Variants in AKAP6 observed in about 807,000 individuals in gnomAD.
AKAP6 encodes the protein A-kinase anchor protein 6.
AKAP6 carries 58 observed loss-of-function variants against 188.5 expected under a neutral mutation model. The observed-to-expected ratio is 0.31, with a 90% CI of 0.25 to 0.38. The LOEUF is 0.38. Among genes scored for constraint, AKAP6 ranks in the 10% least tolerant of loss-of-function variants. The pLI is 1.00. For missense variants in AKAP6, 2,710 were observed against 2,740.0 expected, an observed-to-expected ratio of 0.99 and a Z score of 0.24; for synonymous variants, 989 against 998.6, an observed-to-expected ratio of 0.99 and a Z score of 0.18.
chr14:32,470,502 C>T (rs1386309400), intron 2 of AKAP6, among the ~76,000 whole-genome samples: 1 of 152,226 alleles, frequency 6.6e-6, no homozygotes, highest in African/African-American at 2.4e-5. Flanking sequence ...GGGCTCACAT[C>T]AGCAACTGAA....
chr14:32,514,863 A>G (rs1881437949), intron 2 of AKAP6, among the ~76,000 whole-genome samples: 1 of 152,162 alleles, frequency 6.6e-6, no homozygotes, highest in African/African-American at 2.4e-5. Context: ...AAAACACAAC[A>G]AAAAGGGCCT....
At chr14:32,447,891 C>T (rs1447264427) in intron 2 of AKAP6, among the ~76,000 whole-genome samples, 2 of 152,174 alleles carry the variant, frequency 1.3e-5, no homozygotes, top group Non-Finnish European at 2.9e-5. Flanking sequence ...AACAAGTACA[C>T]CGACATATTT....
At chr14:32,639,418 G>A (rs1009729674) in intron 7 of AKAP6, among the ~76,000 whole-genome samples, 4 of 152,110 alleles carry the variant, frequency 2.6e-5, no homozygotes, top group African/African-American at 9.7e-5. Context: ...TGGGGTGACA[G>A]TAAGTGAAAT....
At position 32,834,252 on chromosome 14, in the gene AKAP6, G is replaced by A. The variant is rs1398357264; in HGVS notation, c.*4447G>A. The A allele has an allele frequency of 6.6e-6, 1 of 152,256 alleles. No homozygotes were observed. The highest frequency in any genetic ancestry group is 1.5e-5 in the Non-Finnish European group (1 of 68,126). The allele number at this position is 152,256 out of a possible 1,614,324, so 9.4% of individuals were successfully genotyped here. A position where few individuals can be genotyped will look rare whatever the true frequency, so the allele number is the denominator to read the frequency against. On this transcript the variant is annotated 3_prime_UTR_variant, in exon 14 of 14. Transcript: ENST00000280979. ...TACTAAAAATACAAAAATTAGCCAGGCGTGGTAGCTGTAATCCCAGCTACT... is the reference window on the plus strand; with the variant it reads ...TACTAAAAATACAAAAATTAGCCAGACGTGGTAGCTGTAATCCCAGCTACT...
intron 1 of AKAP6, among the ~76,000 whole-genome samples, chr14:32,413,840 CT>C (rs763599652): frequency 3.3e-4 from 50 of 151,822 alleles, no homozygotes; most frequent in Admixed American, 9.2e-4. Context: ...CAGAGACAGA[CT>C]TAAATTGTCA....
At chr14:32,813,748 AT>A (rs2034308190) in intron 12 of AKAP6, among the ~76,000 whole-genome samples, 2 of 152,024 alleles carry the variant, frequency 1.3e-5, no homozygotes, top group South Asian at 4.2e-4. Flanking sequence ...AAATCCTTAT[AT>A]TTTTTTGTAT....
intron 7 of AKAP6, among the ~76,000 whole-genome samples, chr14:32,604,370 A>C (rs946577721): frequency 6.6e-6 from 1 of 152,136 alleles, no homozygotes; most frequent in South Asian, 2.1e-4. Flanking sequence ...TCTCTCCACA[A>C]TCTTGGCTGA....
chr14:32,410,424 C>G (rs913528951), intron 1 of AKAP6, among the ~76,000 whole-genome samples: 4 of 152,112 alleles, frequency 2.6e-5, no homozygotes. Context: ...AGTTGTCCTG[C>G]CTTTCCAAAC....
At chr14:32,336,646 A>G (rs773288515) in intron 1 of AKAP6, among the ~76,000 whole-genome samples, 6 of 152,164 alleles carry the variant, frequency 3.9e-5, no homozygotes, top group Non-Finnish European at 7.3e-5. Context: ...CTCCAAGCAT[A>G]TCTGTGGAGG....
At chr14:32,747,391 G>A (rs142682923) in intron 11 of AKAP6, among the ~76,000 whole-genome samples, 46 of 152,264 alleles carry the variant, frequency 3.0e-4, no homozygotes, top group African/African-American at 1.0e-3. Context: ...CAGTAACTCA[G>A]TCTAACCATA....
At chr14:32,658,268 T>A (rs188983743) in intron 7 of AKAP6, among the ~76,000 whole-genome samples, 21 of 152,132 alleles carry the variant, frequency 1.4e-4, no homozygotes, top group Non-Finnish European at 2.8e-4. Flanking sequence ...ATTGAGAGAT[T>A]ACAATGTAAC....
rs565133482 is a variant in AKAP6 at position 32,791,469 on chromosome 14, G to GT, written c.3588+17583dup. On this transcript the variant is annotated intron_variant, in intron 12 of 13. Coordinates refer to ENST00000280979, the MANE Select transcript of AKAP6 (RefSeq NM_004274.5). The stretch of plus-strand genomic sequence containing the variant: ...TGTCCACTTTTTGATGGGGTGGGTC[G>GT]TTTTTTTCTTCTAAACTTGTTTAAG... 4.6e-3 allele frequency among the ~76,000 whole-genome samples: 699 copies of GT among 151,952 alleles called. 10 individuals are homozygous for GT. Among genetic ancestry groups the GT allele is most frequent in the Non-Finnish European group, 7.3e-3 (495 of 67,954 alleles).
intron 11 of AKAP6, among the ~76,000 whole-genome samples, chr14:32,769,268 G>A (rs1035270936): frequency 2.0e-5 from 3 of 151,382 alleles, no homozygotes; most frequent in Admixed American, 6.6e-5. Flanking sequence ...GGCTGGTCTT[G>A]AACTCCTGAC....
At chr14:32,750,182 G>T (rs75727705) in intron 11 of AKAP6, among the ~76,000 whole-genome samples, 3,280 of 152,128 alleles carry the variant, frequency 0.022, 117 homozygotes, top group African/African-American at 0.075. Context: ...TGTTTCCACT[G>T]CAGTGAATTG....
intron 1 of AKAP6, among the ~76,000 whole-genome samples, chr14:32,351,522 C>T (rs1887266740): frequency 6.6e-6 from 1 of 150,724 alleles, no homozygotes; most frequent in African/African-American, 2.5e-5. Flanking sequence ...AGATTGCACA[C>T]CACTGCACAG....
chr14:32,534,736 T>G (rs532904670), intron 2 of AKAP6, among the ~76,000 whole-genome samples: 7 of 151,808 alleles, frequency 4.6e-5, no homozygotes, highest in Admixed American at 3.9e-4. Context: ...GAGGCTGAGG[T>G]GGGTGGATCA....
chr14:32,807,684 T>C (rs144086104), intron 12 of AKAP6, among the ~76,000 whole-genome samples: 17 of 152,380 alleles, frequency 1.1e-4, no homozygotes, highest in African/African-American at 3.8e-4. Context: ...ATTCCATTTC[T>C]CGAGTTTTAG....
At chr14:32,790,147 A>C (rs1472125716) in intron 12 of AKAP6, among the ~76,000 whole-genome samples, 1 of 152,234 alleles carries the variant, frequency 6.6e-6, no homozygotes, top group Non-Finnish European at 1.5e-5. Flanking sequence ...TCTTTCTAAA[A>C]TAATACAGGC....
At chr14:32,679,678 G>A (rs972215582) in intron 8 of AKAP6, among the ~76,000 whole-genome samples, 2 of 152,098 alleles carry the variant, frequency 1.3e-5, no homozygotes, top group Non-Finnish European at 2.9e-5. Flanking sequence ...TAGTCATTCA[G>A]AGTCATAATT....
Sources: gnomAD v4.1 joint callset for allele counts (sites outside exome capture counted in the v4.1 genomes callset) on GRCh38, gnomAD v4.1.1 for gene constraint, MANE v1.5 for transcripts, NCBI Gene and HGNC (gene_info 2026-07-23, HGNC 2026-07-21) for gene names.